The following RFTN1 variants were observed in gnomAD, a reference collection of about 807,000 sequenced individuals.
The protein encoded by RFTN1 is raftlin, lipid raft linker 1.
Under a neutral mutation model 46.5 loss-of-function variants are expected in RFTN1, and 26 were observed. That is an observed-to-expected ratio of 0.56 (90% CI 0.41 to 0.78). The LOEUF (loss-of-function observed/expected upper bound fraction) is 0.78, where lower values mean the gene tolerates loss of function less well. Among genes scored for constraint, RFTN1 ranks in the 30% least tolerant of loss-of-function variants. RFTN1 has a pLI of 0.00. For synonymous variants in RFTN1, 261 were observed against 284.2 expected, an observed-to-expected ratio of 0.92 and a Z score of 0.82; for missense variants, 693 against 718.7, an observed-to-expected ratio of 0.96 and a Z score of 0.41.
chr3:16,343,713 ATGTT>A (rs2071460900), intron 7 of RFTN1, among the ~76,000 whole-genome samples: 1 of 152,236 alleles, frequency 6.6e-6, no homozygotes, highest in Admixed American at 6.5e-5. Context: ...TATTCAATCA[ATGTT>A]TGTTAAAAAC....
At position 16,472,640 on chromosome 3, in the gene RFTN1, T is replaced by A. The variant is rs907556966; in HGVS notation, c.145+21085A>T. 3.3e-5 allele frequency: 5 copies of A among 152,322 alleles called. No individual in the cohort carries two copies. In the East Asian group the frequency reaches 7.7e-4, roughly 23 times the overall value. 9.4% of individuals were successfully genotyped at this position (152,322 alleles called of 1,614,324 possible). A position where few individuals can be genotyped will look rare whatever the true frequency, so the allele number is the denominator to read the frequency against. ...GAATTACAAGGAACAACCGGCCTGA[T>A]TAATATGCGGAATCTTGGCAAGGCA... is the stretch of plus-strand genomic sequence containing the variant. On this transcript the variant is annotated intron_variant, in intron 2 of 9. Transcript: ENST00000334133.
chr3:16,412,235 C>T (rs977189945), intron 3 of RFTN1, among the ~76,000 whole-genome samples: 3 of 152,152 alleles, frequency 2.0e-5, no homozygotes, highest in African/African-American at 4.8e-5. Flanking sequence ...CGTTCTCCTG[C>T]CTTTGGGAAT....
chr3:16,436,335 T>C (rs767960157), intron 2 of RFTN1, among the ~76,000 whole-genome samples: 16 of 150,996 alleles, frequency 1.1e-4, no homozygotes, highest in Non-Finnish European at 2.4e-4. Context: ...TTGCATATAG[T>C]GGGTTTTGCC....
rs1559843919 is a variant in RFTN1, at chr3:16,345,849, CAT to C, written c.1146+12081_1146+12082del. 1.5e-5 allele frequency among the ~76,000 whole-genome samples: 2 copies of C among 131,106 alleles called. No homozygotes were observed. The highest frequency in any genetic ancestry group is 3.6e-5 in the Non-Finnish European group (2 of 55,672). The allele number at this position is 131,106 out of a possible 152,430, so 86.0% of individuals were successfully genotyped here. A position where few individuals can be genotyped will look rare whatever the true frequency, so the allele number is the denominator to read the frequency against. Reference sequence around the variant, plus strand: ...GCGCGTGCGCGCACGCGCACATGTGCATGTGTATGTGTATAATCTCCTACTGG... The same window carrying C: ...GCGCGTGCGCGCACGCGCACATGTGCGTGTATGTGTATAATCTCCTACTGG... On this transcript the variant is annotated intron_variant, in intron 7 of 9. Transcript: ENST00000334133. The surrounding 1 kb of genome is among the most constrained non-coding windows in gnomAD (Gnocchi z 5.2).
At chr3:16,377,618 C>G (rs2073826556) in intron 5 of RFTN1, 100 bp downstream of exon 5, 3 of 1,500,976 alleles carry the variant, frequency 2.0e-6, no homozygotes, top group African/African-American at 2.8e-5. Flanking sequence ...TCTCTACACT[C>G]TAAATTCCAT....
chr3:16,318,268 A>T (rs1239915719), intron 9 of RFTN1, among the ~76,000 whole-genome samples: 1 of 152,260 alleles, frequency 6.6e-6, no homozygotes, highest in East Asian at 1.9e-4. Context: ...AGTTCCCACC[A>T]TGGCCACTTC....
At chr3:16,455,373 A>G (rs1210732775) in intron 2 of RFTN1, among the ~76,000 whole-genome samples, 1 of 152,220 alleles carries the variant, frequency 6.6e-6, no homozygotes, top group Non-Finnish European at 1.5e-5. Context: ...TCACGCTAGT[A>G]GCCAGGATTT....
At chr3:16,431,613 A>G (rs1195466670) in intron 3 of RFTN1, among the ~76,000 whole-genome samples, 5 of 152,306 alleles carry the variant, frequency 3.3e-5, no homozygotes, top group African/African-American at 1.2e-4. Context: ...GATCTGACCC[A>G]AATGGACTTG....
At chr3:16,454,340 A>T (rs1179749617) in intron 2 of RFTN1, among the ~76,000 whole-genome samples, 2 of 152,216 alleles carry the variant, frequency 1.3e-5, no homozygotes, top group Non-Finnish European at 2.9e-5. Flanking sequence ...GCAGCTGGTG[A>T]GCACACCTGC....
At chr3:16,377,372 G>T (rs1479538554) in intron 5 of RFTN1, among the ~76,000 whole-genome samples, 1 of 152,168 alleles carries the variant, frequency 6.6e-6, no homozygotes, top group African/African-American at 2.4e-5. Flanking sequence ...TTTCATCGGT[G>T]CCTGGCAGGC....
rs1040803680 is a variant in RFTN1 at position 16,348,824 on chromosome 3, A to G, written c.1146+9108T>C. Among the ~76,000 whole-genome samples, 15 of 152,282 alleles carry G rather than the reference A, an allele frequency of 9.9e-5. 2 individuals are homozygous for G. Among genetic ancestry groups the G allele is most frequent in the East Asian group, 3.9e-4 (2 of 5,180 alleles). ...AGTCCAGCCCACCTGCCCCACTGGG[A>G]AGCAGGAGGACTGGTTTTGGTCCAA... On this transcript the variant is annotated intron_variant, in intron 7 of 9. Coordinates refer to ENST00000334133, the MANE Select transcript of RFTN1 (RefSeq NM_015150.2). The surrounding 1 kb of genome is among the most constrained non-coding windows in gnomAD (Gnocchi z 6.3).
intron 6 of RFTN1, among the ~76,000 whole-genome samples, chr3:16,366,338 C>T (rs901811356): frequency 2.6e-5 from 4 of 152,222 alleles, no homozygotes; most frequent in Non-Finnish European, 2.9e-5. Flanking sequence ...TGGCTCAGCT[C>T]GGGGTCTCTC....
intron 2 of RFTN1, among the ~76,000 whole-genome samples, chr3:16,476,535 G>A (rs2076283444): frequency 6.6e-6 from 1 of 152,158 alleles, no homozygotes; most frequent in Admixed American, 6.5e-5. Flanking sequence ...GGCTGTTTGG[G>A]GCAAGGTGGT....
rs2073847445 is a variant in RFTN1, at chr3:16,378,049, G to A, written c.495C>T (p.Tyr165=). 6.2e-7 allele frequency: 1 copy of A among 1,614,246 alleles called. No homozygotes were observed. The highest frequency in any genetic ancestry group is 8.5e-7 in the Non-Finnish European group (1 of 1,180,042). The part of the protein sequence containing the change: ...GLKFVGVIPQ[Y]HSSVNSAGSS... ...TGCCTGCCGAGTTCACAGAGGAATG[G>A]TACTGAGGTATAACACCAACGAATT... Residue 165 remains tyrosine (Y), a synonymous_variant, in exon 5 of 10, where the codon TAC becomes TAT. Transcript: ENST00000334133.
intron 7 of RFTN1, among the ~76,000 whole-genome samples, chr3:16,347,135 T>C (rs1420723692): frequency 6.6e-6 from 1 of 152,134 alleles, no homozygotes; most frequent in Non-Finnish European, 1.5e-5. Context: ...AGTGTACAGC[T>C]CTCTGATGAA....
rs928730508 is a variant in RFTN1 at position 16,372,102 on chromosome 3, G to A, written c.827-1823C>T. Among the ~76,000 whole-genome samples, 16 of 152,258 alleles carry A rather than the reference G, an allele frequency of 1.1e-4. No individual in the cohort carries two copies. In the East Asian group the frequency reaches 1.7e-3, roughly 17 times the overall value. On this transcript the variant is annotated intron_variant, in intron 5 of 9. Transcript: ENST00000334133. ...TTCTTGGGTTTATTTGGATTCCTTC[G>A]AAAGCAGACCCTGCAAGCTTTCCTG...
At position 16,345,791 on chromosome 3, in the gene RFTN1, T is replaced by G. The variant is rs1244589627; in HGVS notation, c.1146+12141A>C. ...GCCAAAACCTTATAATAAATCTCTG[T>G]GTGTGTGTGTGTGTGTGTGTGTGTG... On this transcript the variant is annotated intron_variant, in intron 7 of 9. Transcript: ENST00000334133. This position sits in a 1 kb window ranked among gnomAD's most constrained non-coding sequence, Gnocchi z 5.2. 1.7e-5 allele frequency among the ~76,000 whole-genome samples: 1 copy of G among 57,484 alleles called. No homozygotes were observed. The highest frequency in any genetic ancestry group is 3.7e-5 in the Non-Finnish European group (1 of 27,208). 37.7% of individuals were successfully genotyped at this position (57,484 alleles called of 152,430 possible).
chr3:16,504,075 C>T lies in RFTN1; in HGVS notation c.-9+9367G>A, dbSNP rs1042815345. 5.3e-5 allele frequency among the ~76,000 whole-genome samples: 8 copies of T among 152,032 alleles called. No individual in the cohort carries two copies. Among genetic ancestry groups the T allele is most frequent in the East Asian group, 3.9e-4 (2 of 5,188 alleles). ...ATGGCAGAGATTCTGAGGATTTCTC[C>T]GTTCACAGTGCCCTTAGTTTCTCTG... On this transcript the variant is annotated intron_variant, in intron 1 of 9. Coordinates refer to ENST00000334133, the MANE Select transcript of RFTN1 (RefSeq NM_015150.2). The surrounding 1 kb of genome is among the most constrained non-coding windows in gnomAD (Gnocchi z 4.4).
At position 16,321,056 on chromosome 3, in the gene RFTN1, TA is replaced by T. The variant is rs139512456; in HGVS notation, c.1332+2319del. ...TCCGGGACCTAACACAGATGGGTCT[TA>T]AGGATAGATTGAATATAGGGGAAGG... On this transcript the variant is annotated intron_variant, in intron 9 of 9. Transcript: ENST00000334133. The surrounding 1 kb of genome is among the most constrained non-coding windows in gnomAD (Gnocchi z 4.8). Among the ~76,000 whole-genome samples the T allele has an allele frequency of 8.5e-3, 1,298 of 152,064 alleles. 8 individuals carry two copies. Among genetic ancestry groups the T allele is most frequent in the Non-Finnish European group, 0.015 (990 of 67,982 alleles).
Sources: allele counts gnomAD v4.1 joint callset (sites outside exome capture counted in the v4.1 genomes callset), GRCh38; gene constraint gnomAD v4.1.1; non-coding constraint Gnocchi (gnomAD v3.1); transcripts MANE v1.5; gene names NCBI Gene and HGNC (gene_info 2026-07-23, HGNC 2026-07-21).